The following KDM3A variants were observed in gnomAD, a reference collection of about 807,000 sequenced individuals.
The protein encoded by KDM3A is lysine demethylase 3A.
Under a neutral mutation model 158.0 loss-of-function variants are expected in KDM3A, and 60 were observed. The observed-to-expected ratio is 0.38, with a 90% CI of 0.31 to 0.47. The LOEUF is 0.47. Ranked by LOEUF, KDM3A falls within the 20% of genes least tolerant of loss-of-function variation. KDM3A has a pLI of 0.99. For missense variants in KDM3A, 1,319 were observed against 1,574.3 expected, an observed-to-expected ratio of 0.84 and a Z score of 2.74; for synonymous variants, 608 against 549.3, an observed-to-expected ratio of 1.11 and a Z score of -1.49.
chr2:86,470,483 C>T lies in KDM3A; in HGVS notation c.1724+75C>T, dbSNP rs1673354662. 8.8e-6 allele frequency: 11 copies of T among 1,252,008 alleles called. 1 individual carries two copies. In the Admixed American group the frequency reaches 1.8e-4, roughly 21 times the overall value. The allele number at this position is 1,252,008 out of a possible 1,614,324, so 77.6% of individuals were successfully genotyped here. A position where few individuals can be genotyped will look rare whatever the true frequency, so the allele number is the denominator to read the frequency against. On this transcript the variant is annotated intron_variant, in intron 11 of 25. Coordinates refer to ENST00000312912, the MANE Select transcript of KDM3A (RefSeq NM_018433.6). ...TAGATCATCTGGCATACTTTTGTTA[C>T]TCTTTTATCAACAGTAAATCTAGAA...
chr2:86,449,191 T>C (rs1336920434), intron 2 of KDM3A, among the ~76,000 whole-genome samples: 1 of 152,220 alleles, frequency 6.6e-6, no homozygotes, highest in African/African-American at 2.4e-5. Context: ...CTGAAAAACT[T>C]TGTGGTCATT....
At chr2:86,490,584 G>A (rs1159889107) in intron 23 of KDM3A, 1 of 225,346 alleles carries the variant, frequency 4.4e-6, no homozygotes, top group South Asian at 1.0e-4. Flanking sequence ...TAAGGATACT[G>A]AGCCTACTTA....
intron 4 of KDM3A, among the ~76,000 whole-genome samples, chr2:86,452,677 G>A (rs1324280676): frequency 6.6e-6 from 1 of 152,006 alleles, no homozygotes; most frequent in African/African-American, 2.4e-5. Flanking sequence ...GTTTCTTTGG[G>A]GTATAGAACT....
intron 8 of KDM3A, among the ~76,000 whole-genome samples, chr2:86,462,283 T>C (rs1169449240): frequency 1.3e-5 from 2 of 152,138 alleles, no homozygotes; most frequent in Non-Finnish European, 2.9e-5. Context: ...TTCTTAAGTA[T>C]GTTGCTCTTG....
At position 86,451,193 on chromosome 2, in the gene KDM3A, G is replaced by A. The variant is rs1672448336; in HGVS notation, c.433G>A (p.Asp145Asn). ...GDQQRVFLSK[D>N]LLKPIQDVNS... ...TCAACAAAGAGTATTTCTTTCTAAA[G>A]ACCTTTTGAAGCCTATACAGGTAAA... Residue 145 changes from aspartate to asparagine, a missense_variant, in exon 4 of 26, where the codon GAC becomes AAC. Asp to Asn is a conservative substitution (Grantham distance 23). Transcript: ENST00000312912. 6.2e-7 allele frequency: 1 copy of A among 1,607,858 alleles called. No homozygotes were observed. Among genetic ancestry groups the A allele is most frequent in the South Asian group, 1.1e-5 (1 of 89,984 alleles).
chr2:86,438,847 T>C, upstream of KDM3A, among the ~76,000 whole-genome samples: 1 of 152,082 alleles, frequency 6.6e-6, no homozygotes. Context: ...AAATTTCTTT[T>C]TCATTCATAA....
intron 9 of KDM3A, among the ~76,000 whole-genome samples, chr2:86,465,938 C>CAAAAAA (rs10541366): frequency 3.4e-5 from 4 of 118,038 alleles, no homozygotes; most frequent in Admixed American, 8.8e-5. Context: ...AATTTACACA[C>CAAAAAA]AAAAAAAAAA....
At chr2:86,459,882 TCTTAA>T (rs1362579965) in intron 8 of KDM3A, among the ~76,000 whole-genome samples, 1 of 152,224 alleles carries the variant, frequency 6.6e-6, no homozygotes, top group Non-Finnish European at 1.5e-5. Context: ...GAGATAAGTT[TCTTAA>T]CTTCTGCATC....
chr2:86,452,555 C>T (rs1323141838), intron 4 of KDM3A, among the ~76,000 whole-genome samples: 2 of 152,124 alleles, frequency 1.3e-5, no homozygotes, highest in Non-Finnish European at 2.9e-5. Flanking sequence ...GAATAGACTG[C>T]ACACACGCAT....
At chr2:86,478,297 CCTTGT>C in intron 14 of KDM3A, 32 bp downstream of exon 14, 1 of 1,514,410 alleles carries the variant, frequency 6.6e-7, no homozygotes, top group Non-Finnish European at 9.2e-7. Flanking sequence ...TTTTCTTTCC[CCTTGT>C]CTTGGTTAAC....
At position 86,492,189 on chromosome 2, in the gene KDM3A, T is replaced by A. The variant is rs1463511984; in HGVS notation, c.*70T>A. ...CTTCAGGCAGGATTCCTGTGGACTTTGAGATTCATGTTACCTCATCTTCTT... is the reference window on the plus strand; with the variant it reads ...CTTCAGGCAGGATTCCTGTGGACTTAGAGATTCATGTTACCTCATCTTCTT... On this transcript the variant is annotated 3_prime_UTR_variant, in exon 26 of 26. Transcript: ENST00000312912. 9.0e-7 allele frequency: 1 copy of A among 1,109,084 alleles called. No individual in the cohort carries two copies. The highest frequency in any genetic ancestry group is 1.4e-6 in the Non-Finnish European group (1 of 732,488). The allele number at this position is 1,109,084 out of a possible 1,614,324, so 68.7% of individuals were successfully genotyped here.
At chr2:86,466,932 T>G (rs751856349) in intron 10 of KDM3A, 49 bp downstream of exon 10, 86 of 1,362,646 alleles carry the variant, frequency 6.3e-5, no homozygotes, top group Non-Finnish European at 8.1e-5. Context: ...AAATGGTAGA[T>G]ATATATATCT....
At chr2:86,439,424 C>G (rs2104608425), upstream of KDM3A, among the ~76,000 whole-genome samples, 1 of 152,094 alleles carries the variant, frequency 6.6e-6, no homozygotes, top group Non-Finnish European at 1.5e-5. Flanking sequence ...GTTTTTCTTT[C>G]TTATACTCGC....
chr2:86,465,936 C>CAA (rs1276403334), intron 9 of KDM3A, among the ~76,000 whole-genome samples: 17 of 60,620 alleles, frequency 2.8e-4, no homozygotes, highest in African/African-American at 1.0e-3. Context: ...GAAATTTACA[C>CAA]ACAAAAAAAA....
intron 10 of KDM3A, among the ~76,000 whole-genome samples, chr2:86,468,062 T>C (rs72930387): frequency 0.13 from 20,455 of 152,122 alleles, 1,502 homozygotes; most frequent in Middle Eastern, 0.16. Context: ...ACGAAAACAA[T>C]TTATTTATTT....
At chr2:86,460,941 A>G (rs943579265) in intron 8 of KDM3A, 25 of 152,178 alleles carry the variant, frequency 1.6e-4, no homozygotes, top group African/African-American at 6.0e-4. Flanking sequence ...AACCTTAGGA[A>G]AGTTGTAGAA....
At chr2:86,482,380 T>TG in intron 17 of KDM3A, 78 bp from the exon 18 acceptor site, 1 of 1,564,202 alleles carries the variant, frequency 6.4e-7, no homozygotes, top group Non-Finnish European at 8.6e-7. Context: ...ATATGTAATC[T>TG]ATACTCATTA....
chr2:86,445,287 GATGAGGCAGTAGC>G (rs888930766), intron 2 of KDM3A, among the ~76,000 whole-genome samples: 39 of 152,268 alleles, frequency 2.6e-4, no homozygotes, highest in African/African-American at 9.4e-4. Flanking sequence ...AGAATCTACT[GATGAGGCAGTAGC>G]ATTCTCTTCA....
rs147457793 is a variant in KDM3A, at chr2:86,491,729, G to A, written c.3886-310G>A. On this transcript the variant is annotated intron_variant, in intron 25 of 25. Transcript: ENST00000312912. ...ATTATGTAACATAATTTCATGTTTGGAAAATAAGGGAAAAATGATAAAAGC... is the reference window on the plus strand; with the variant it reads ...ATTATGTAACATAATTTCATGTTTGAAAAATAAGGGAAAAATGATAAAAGC... The A allele has an allele frequency of 6.6e-4, 230 of 345,916 alleles. 1 individual carries two copies. The highest frequency in any genetic ancestry group is 4.6e-3 in the African/African-American group (220 of 47,866). 21.4% of individuals were successfully genotyped at this position (345,916 alleles called of 1,614,324 possible).
Sources: allele counts gnomAD v4.1 joint callset (sites outside exome capture counted in the v4.1 genomes callset), GRCh38; gene constraint gnomAD v4.1.1; transcripts MANE v1.5; gene names NCBI Gene and HGNC (gene_info 2026-07-23, HGNC 2026-07-21).